ADGRD1: variants seen among roughly 807,000 people sequenced by gnomAD.
ADGRD1 encodes the protein adhesion G protein-coupled receptor D1, also known as G-protein coupled receptor 133.
Under a neutral mutation model 113.4 loss-of-function variants are expected in ADGRD1, and 77 were observed. That is an observed-to-expected ratio of 0.68 (90% CI 0.57 to 0.82). ADGRD1 has a LOEUF of 0.82. Among genes scored for constraint, ADGRD1 ranks in the 40% least tolerant of loss-of-function variants. The probability of loss-of-function intolerance (pLI) is 0.00; values close to 1 mark genes in which losing one functional copy is unlikely to be tolerated. For synonymous variants in ADGRD1, 474 were observed against 475.0 expected, an observed-to-expected ratio of 1.00 and a Z score of 0.03; for missense variants, 1,036 against 1,139.1, an observed-to-expected ratio of 0.91 and a Z score of 1.30.
chr12:130,982,131 T>A, intron 5 of ADGRD1, 68 bp downstream of exon 5: 1 of 1,389,232 alleles, frequency 7.2e-7, no homozygotes, highest in Non-Finnish European at 1.0e-6. Context: ...GAATGGACGC[T>A]GAGAAGCCCA....
chr12:131,126,519 C>T (rs1332219588), intron 20 of ADGRD1, among the ~76,000 whole-genome samples: 1 of 152,126 alleles, frequency 6.6e-6, no homozygotes, highest in Non-Finnish European at 1.5e-5. Flanking sequence ...CCTGTATAGC[C>T]CTTTCATTGT....
Position 131,104,851 on chromosome 12 carries a change from G to A in ADGRD1, c.1692G>A (p.Val564=). ...CGCAGCTTGCACGCGGACACCAGGTGGCGCTGTCGTCTATCAGCTATGTGG... is the reference window on the plus strand; with the variant it reads ...CGCAGCTTGCACGCGGACACCAGGTAGCGCTGTCGTCTATCAGCTATGTGG... ...VPLELARGHQ[V]ALSSISYVGC... Residue 564 remains valine, a synonymous_variant, in exon 16 of 25, where the codon GTG becomes GTA. Transcript: ENST00000261654. The A allele has an allele frequency of 6.5e-7, 1 of 1,549,294 alleles. No individual in the cohort carries two copies. The highest frequency in any genetic ancestry group is 1.2e-5 in the South Asian group (1 of 83,990).
At chr12:131,136,357 C>T (rs569738765) in intron 22 of ADGRD1, among the ~76,000 whole-genome samples, 194 bp downstream of exon 22, 16 of 152,342 alleles carry the variant, frequency 1.1e-4, no homozygotes, top group East Asian at 3.9e-4. Context: ...CCCTTCAGGG[C>T]GGGGCTGCCT....
chr12:131,107,071 G>A (rs902317904), intron 17 of ADGRD1, among the ~76,000 whole-genome samples: 1 of 152,210 alleles, frequency 6.6e-6, no homozygotes, highest in Non-Finnish European at 1.5e-5. Context: ...AGCTCCAGGT[G>A]TCTATAATCC....
chr12:131,101,382 T>TC (rs1950080302), intron 15 of ADGRD1, among the ~76,000 whole-genome samples: 1 of 108,628 alleles, frequency 9.2e-6, no homozygotes. Context: ...TCTTTCTTTT[T>TC]TTTTTTTTTT....
rs1258979453 is a variant in ADGRD1 at position 131,052,559 on chromosome 12, C to T, written c.1474-24242C>T. On this transcript the variant is annotated intron_variant, in intron 13 of 24. Coordinates refer to ENST00000261654, the MANE Select transcript of ADGRD1 (RefSeq NM_198827.5). ...AGGCATCTGCCTCCGCCAGGGCTGG[C>T]ACGGTCTGCTTTATTCAGGAGCAGT... 2.6e-5 allele frequency among the ~76,000 whole-genome samples: 4 copies of T among 152,300 alleles called. No individual in the cohort carries two copies. The East Asian group carries it at 7.7e-4, about 29-fold the overall frequency.
chr12:131,101,377 CTTT>C (rs71095334), intron 15 of ADGRD1, among the ~76,000 whole-genome samples: 20 of 36,144 alleles, frequency 5.5e-4, no homozygotes, highest in African/African-American at 1.8e-3. Flanking sequence ...TTCTTTCTTT[CTTT>C]TTTTTTTTTT....
chr12:131,003,191 G>A lies in ADGRD1; in HGVS notation c.1033G>A (p.Ala345Thr), dbSNP rs572513767. 36 of 1,612,852 alleles carry A rather than the reference G, an allele frequency of 2.2e-5. No homozygotes were observed. The highest frequency in any genetic ancestry group is 2.7e-5 in the African/African-American group (2 of 74,890). ...GGTGCTTGTGTTGCTGCAGGACAGC[G>A]CCGTGGTACTGAGTCTCATCGACAC... ...PGWIALSEDSAVVLSLIDTID... is the reference protein window; with the variant it reads ...PGWIALSEDSTVVLSLIDTID... Residue 345 changes from alanine (A) to threonine (T), a missense_variant, in exon 10 of 25, where the codon GCC becomes ACC. Ala to Thr is a moderately conservative substitution (Grantham distance 58). Transcript: ENST00000261654. The surrounding 1 kb of genome is among the most constrained non-coding windows in gnomAD (Gnocchi z 4.8).
At chr12:130,993,458 C>T (rs1219779691) in intron 8 of ADGRD1, among the ~76,000 whole-genome samples, 1 of 150,334 alleles carries the variant, frequency 6.7e-6, no homozygotes, top group East Asian at 1.9e-4. Context: ...GCTAATACTC[C>T]CTGCTTTCAA....
At chr12:131,132,397 C>T (rs1037920516) in intron 21 of ADGRD1, among the ~76,000 whole-genome samples, 2 of 152,210 alleles carry the variant, frequency 1.3e-5, no homozygotes, top group Non-Finnish European at 2.9e-5. Context: ...TCTTACGGCC[C>T]AGCCGATTGC....
rs376489706 is a variant in ADGRD1, at chr12:131,004,269, A to G, written c.1228A>G (p.Ile410Val). The G allele has an allele frequency of 3.7e-6, 6 of 1,613,214 alleles. No individual in the cohort carries two copies. The African/African-American group carries it at 6.7e-5, about 18-fold the overall frequency. The change falls in exon 11 of 25, where the codon ATC (isoleucine) becomes GTC (valine). Residue 410 changes from isoleucine to valine, a missense_variant. Ile to Val is a conservative substitution (Grantham distance 29, BLOSUM62 3). Transcript: ENST00000261654. ...FPAHGQSFIQ[I>V]PHEAFHRHAW... ...GGCCCACGGGCAGAGCTTCATCCAG[A>G]TCCCCCACGAGGCCTTCCACAGGCA...
At chr12:131,014,561 G>A (rs555014642) in intron 13 of ADGRD1, among the ~76,000 whole-genome samples, 21 of 152,224 alleles carry the variant, frequency 1.4e-4, no homozygotes, top group Non-Finnish European at 2.8e-4. Context: ...CGGTGTCGAT[G>A]TTGGGGAAGA....
intron 18 of ADGRD1, among the ~76,000 whole-genome samples, chr12:131,114,102 C>T (rs978961057): frequency 2.0e-4 from 31 of 152,032 alleles, no homozygotes; most frequent in African/African-American, 5.8e-4. Context: ...ATGTATGTAG[C>T]GGGGCTGTCT....
intron 15 of ADGRD1, among the ~76,000 whole-genome samples, chr12:131,097,091 C>G (rs1370711984): frequency 6.6e-6 from 1 of 152,198 alleles, no homozygotes; most frequent in Admixed American, 6.5e-5. Flanking sequence ...CTCACTACCC[C>G]TATGAGGTCC....
At position 131,044,722 on chromosome 12, in the gene ADGRD1, C is replaced by T. The variant is rs573017471; in HGVS notation, c.1473+30382C>T. Among the ~76,000 whole-genome samples, 48 of 152,328 alleles carry T rather than the reference C, an allele frequency of 3.2e-4. No homozygotes were observed. The South Asian group carries it at 6.4e-3, about 20-fold the overall frequency. ...TTAGATTTGCACCCATTGGAAAGCT[C>T]TGGGTGTGCGAGTTTCTTTTTACAC... On this transcript the variant is annotated intron_variant, in intron 13 of 24. Coordinates refer to ENST00000261654, the MANE Select transcript of ADGRD1 (RefSeq NM_198827.5).
At chr12:131,121,002 C>T (rs1468253939) in intron 20 of ADGRD1, 89 bp downstream of exon 20, 1 of 1,185,354 alleles carries the variant, frequency 8.4e-7, no homozygotes, top group African/African-American at 1.5e-5. Context: ...GGGGGGCTCC[C>T]TGAGGAGCTT....
At chr12:131,106,846 C>G (rs1950243539) in intron 17 of ADGRD1, among the ~76,000 whole-genome samples, 1 of 152,216 alleles carries the variant, frequency 6.6e-6, no homozygotes, top group South Asian at 2.1e-4. Flanking sequence ...GCACTGGCCT[C>G]ATGTTCTCCT....
chr12:130,963,362 A>T (rs935070238), intron 2 of ADGRD1, among the ~76,000 whole-genome samples: 1 of 151,944 alleles, frequency 6.6e-6, no homozygotes, highest in Non-Finnish European at 1.5e-5. Flanking sequence ...ATTCAAATTC[A>T]AATAGAACAG....
chr12:131,130,370 G>A (rs1395574846), intron 20 of ADGRD1, among the ~76,000 whole-genome samples: 2 of 152,212 alleles, frequency 1.3e-5, no homozygotes, highest in East Asian at 1.9e-4. Context: ...GGAGGGAACA[G>A]TTGGGGTGCT....
Sources: gnomAD v4.1 joint callset for allele counts (sites outside exome capture counted in the v4.1 genomes callset) on GRCh38, gnomAD v4.1.1 for gene constraint, Gnocchi (gnomAD v3.1) non-coding constraint, MANE v1.5 for transcripts, NCBI Gene and HGNC (gene_info 2026-07-23, HGNC 2026-07-21) for gene names.